The following NAV1 variants were observed in gnomAD, a reference collection of about 807,000 sequenced individuals.
The protein encoded by NAV1 is pore membrane and/or filament interacting like protein 3.
In NAV1, 18 loss-of-function variants were observed where a neutral mutation model predicts 175.2. The observed-to-expected ratio is 0.10, with a 90% CI of 0.07 to 0.15. NAV1 has a LOEUF of 0.15. Ranked by LOEUF, NAV1 falls within the 10% of genes least tolerant of loss-of-function variation. The pLI, the probability that NAV1 is intolerant of heterozygous loss-of-function variation, is 1.00. For missense variants in NAV1, 1,731 were observed against 2,436.6 expected, an observed-to-expected ratio of 0.71 and a Z score of 6.10; for synonymous variants, 897 against 978.7, an observed-to-expected ratio of 0.92 and a Z score of 1.56.
rs896433507 is a variant in NAV1 at position 201,782,285 on chromosome 1, G to A, written c.1773G>A (p.Lys591=). The change falls in exon 6 of 30, where the codon AAG becomes AAA. Residue 591 remains lysine (K), a synonymous_variant. Coordinates refer to ENST00000367296, the Ensembl canonical transcript of NAV1. This position sits in a 1 kb window ranked among gnomAD's most constrained non-coding sequence, Gnocchi z 5.4. ...GGGACCGCCTGAGTGATGCTAAGAAGCCCCCCTCGGGCATTGCTCGCCCCT... is the reference window on the plus strand; with the variant it reads ...GGGACCGCCTGAGTGATGCTAAGAAACCCCCCTCGGGCATTGCTCGCCCCT... 1.3e-5 allele frequency: 21 copies of A among 1,614,154 alleles called. No homozygotes were observed. Among genetic ancestry groups the A allele is most frequent in the Non-Finnish European group, 1.7e-5 (20 of 1,180,032 alleles).
chr1:201,805,306 G>A lies in NAV1; in HGVS notation c.3648+809G>A, dbSNP rs114998550. On this transcript the variant is annotated intron_variant, in intron 17 of 29. Transcript: ENST00000367296. ...CCAACAGTGCCACAATGCTTATTCGGGCAGTAAGTGCTAAAGGAGTTCACA... is the reference window on the plus strand; with the variant it reads ...CCAACAGTGCCACAATGCTTATTCGAGCAGTAAGTGCTAAAGGAGTTCACA... Among the ~76,000 whole-genome samples the A allele has an allele frequency of 7.6e-3, 1,162 of 152,254 alleles. 12 individuals carry two copies. The highest frequency in any genetic ancestry group is 0.026 in the African/African-American group (1,089 of 41,542).
At chr1:201,580,631 G>C (rs950935088) in intron 1 of NAV1, among the ~76,000 whole-genome samples, 1 of 152,142 alleles carries the variant, frequency 6.6e-6, no homozygotes, top group Non-Finnish European at 1.5e-5. Context: ...AAAATAGCTG[G>C]GCGTGGTGGC....
At chr1:201,803,859 G>A in intron 16 of NAV1, 145 bp downstream of exon 20, 3 of 1,110,038 alleles carry the variant, frequency 2.7e-6, no homozygotes, top group Non-Finnish European at 2.5e-6. Flanking sequence ...CTCAGAGCAT[G>A]GTCTCCCAGA....
intron 3 of NAV1, among the ~76,000 whole-genome samples, chr1:201,745,553 G>C (rs10920248): frequency 0.57 from 86,029 of 151,972 alleles, 24,637 homozygotes; most frequent in Admixed American, 0.67. Context: ...CTGCCAGTTA[G>C]CCTGAAAGAC....
At chr1:201,802,644 G>A (rs1678009507) in intron 15 of NAV1, among the ~76,000 whole-genome samples, 1 of 151,632 alleles carries the variant, frequency 6.6e-6, no homozygotes, top group African/African-American at 2.4e-5. Flanking sequence ...AGTGGGCCTG[G>A]TGGCGGGTGC....
Position 201,782,137 on chromosome 1 carries a change from T to G in NAV1, c.1664-39T>G. 6.6e-7 allele frequency: 1 copy of G among 1,513,312 alleles called. No individual in the cohort carries two copies. The highest frequency in any genetic ancestry group is 8.9e-7 in the Non-Finnish European group (1 of 1,125,662). The allele number at this position is 1,513,312 out of a possible 1,614,324, so 93.7% of individuals were successfully genotyped here. A position where few individuals can be genotyped will look rare whatever the true frequency, so the allele number is the denominator to read the frequency against. Reference sequence around the variant, plus strand: ...AAAGGGTGGGTTTTTAAGATACTGGTCAGTTTCAGCTCTTTTCTCATTTCC... The same window carrying G: ...AAAGGGTGGGTTTTTAAGATACTGGGCAGTTTCAGCTCTTTTCTCATTTCC... On this transcript the variant is annotated intron_variant, in intron 5 of 29. Transcript: ENST00000367296. The surrounding 1 kb of genome is among the most constrained non-coding windows in gnomAD (Gnocchi z 5.4).
rs79362857 is a variant in NAV1, at chr1:201,790,094, G to A, written c.3219+302G>A. 0.027 allele frequency among the ~76,000 whole-genome samples: 4,050 copies of A among 152,290 alleles called. 84 individuals carry two copies. The highest frequency in any genetic ancestry group is 0.037 in the Non-Finnish European group (2,526 of 68,034). ...AGCAAGCCCTTTCTGTGCCATGGTA[G>A]ATGGGAAGCTTTTATGAAGGTGAGA... On this transcript the variant is annotated intron_variant, in intron 11 of 29. Transcript: ENST00000367296.
chr1:201,586,369 G>A (rs1293297723), intron 1 of NAV1, among the ~76,000 whole-genome samples: 2 of 152,160 alleles, frequency 1.3e-5, no homozygotes, highest in Non-Finnish European at 2.9e-5. Flanking sequence ...TAAGAGTTCT[G>A]AAGCTAGATG....
intron 3 of NAV1, among the ~76,000 whole-genome samples, chr1:201,760,517 C>T (rs925011668): frequency 2.0e-5 from 3 of 152,028 alleles, no homozygotes; most frequent in Admixed American, 6.6e-5. Context: ...GTGTGGTGAC[C>T]CTGCTTAGAT....
chr1:201,751,688 G>A (rs1674117923), intron 3 of NAV1, among the ~76,000 whole-genome samples: 1 of 152,144 alleles, frequency 6.6e-6, no homozygotes, highest in Admixed American at 6.5e-5. Context: ...AAAAATGTTT[G>A]GTAAAGCTGG....
intron 1 of NAV1, among the ~76,000 whole-genome samples, chr1:201,659,489 T>C (rs1013383178): frequency 6.6e-6 from 1 of 152,166 alleles, no homozygotes; most frequent in Non-Finnish European, 1.5e-5. Flanking sequence ...GCATGGTGGC[T>C]TGTGCCTATA....
intron 1 of NAV1, among the ~76,000 whole-genome samples, chr1:201,708,440 G>GCA (rs3053753): frequency 0.077 from 11,392 of 147,974 alleles, 475 homozygotes; most frequent in Non-Finnish European, 0.098. Context: ...CTACTTGCGC[G>GCA]CACACACACA....
chr1:201,582,408 C>A (rs2102196113), intron 1 of NAV1, among the ~76,000 whole-genome samples: 1 of 152,270 alleles, frequency 6.6e-6, no homozygotes, highest in African/African-American at 2.4e-5. Flanking sequence ...AAGGGCTGGG[C>A]CTCCAAAGGG....
intron 1 of NAV1, among the ~76,000 whole-genome samples, chr1:201,652,862 T>C (rs1669258290): frequency 6.6e-6 from 1 of 152,160 alleles, no homozygotes; most frequent in African/African-American, 2.4e-5. Flanking sequence ...TTGAAAATAT[T>C]GTAAGTCAAA....
intron 3 of NAV1, among the ~76,000 whole-genome samples, chr1:201,743,909 G>A (rs181769299): frequency 2.5e-3 from 382 of 151,260 alleles, no homozygotes; most frequent in African/African-American, 8.5e-3. Context: ...TTGTTTTTTT[G>A]AGATGGAGTT....
intron 2 of NAV1, among the ~76,000 whole-genome samples, chr1:201,590,675 C>T (rs578138379): frequency 9.2e-5 from 14 of 152,288 alleles, no homozygotes; most frequent in African/African-American, 2.2e-4. Context: ...GTGAGGCTTG[C>T]GCGCGGGGCC....
chr1:201,707,729 C>G (rs1671730558), intron 1 of NAV1, among the ~76,000 whole-genome samples: 1 of 152,218 alleles, frequency 6.6e-6, no homozygotes, highest in Non-Finnish European at 1.5e-5. Flanking sequence ...TAAATTACTT[C>G]TCTTCCTCTA....
At chr1:201,601,250 G>T (rs1375416040) in intron 2 of NAV1, among the ~76,000 whole-genome samples, 1 of 152,248 alleles carries the variant, frequency 6.6e-6, no homozygotes, top group African/African-American at 2.4e-5. Flanking sequence ...GGGAGGCTGA[G>T]GCAGGAGGAT....
chr1:201,591,732 C>T (rs1475994904), intron 2 of NAV1, among the ~76,000 whole-genome samples: 1 of 152,144 alleles, frequency 6.6e-6, no homozygotes, highest in Non-Finnish European at 1.5e-5. Flanking sequence ...CTCTCAAGAG[C>T]ATCTTCTCCC....
Sources: gnomAD v4.1 joint callset for allele counts (sites outside exome capture counted in the v4.1 genomes callset) on GRCh38, gnomAD v4.1.1 for gene constraint, Gnocchi (gnomAD v3.1) non-coding constraint, MANE v1.5 for transcripts, NCBI Gene and HGNC (gene_info 2026-07-23, HGNC 2026-07-21) for gene names.